Variants in PUDP observed in about 807,000 individuals in gnomAD.
The protein encoded by PUDP is pseudouridine 5'-phosphatase.
A neutral mutation model predicts 9.4 loss-of-function variants in PUDP; 8 were observed. The observed-to-expected ratio is 0.85, with a 90% confidence interval of 0.50 to 1.53. PUDP has a LOEUF of 1.53. Among genes scored for constraint, PUDP ranks in the 40% most tolerant of loss-of-function variants. The pLI, the probability that PUDP is intolerant of heterozygous loss-of-function variation, is 0.00. For missense variants in PUDP, 188 were observed against 189.7 expected (o/e 0.99, Z 0.05); for synonymous variants, 99 against 80.7 (o/e 1.23, Z -1.22).
chrX:6,880,552 C>G (rs1031000139), intron 3 of PUDP, among the ~76,000 whole-genome samples: 1 of 112,163 alleles, frequency 8.9e-6, no homozygotes, highest in African/African-American at 3.2e-5. Flanking sequence ...ACACAATTAA[C>G]TATTTCTTGT....
At chrX:6,722,010 T>C (rs1461664005), upstream of PUDP, among the ~76,000 whole-genome samples, 3 of 110,222 alleles carry the variant, frequency 2.7e-5, no homozygotes, top group Non-Finnish European at 3.8e-5. Flanking sequence ...ACATTGACAA[T>C]ATGGCAGAAA....
chrX:6,953,291 T>C (rs1166602468), intron 3 of PUDP, among the ~76,000 whole-genome samples: 1 of 111,675 alleles, frequency 9.0e-6, no homozygotes, highest in East Asian at 2.8e-4. Flanking sequence ...TTCTTTTCTT[T>C]CGTCTAGAAA....
At position 6,867,731 on chromosome X, in the gene PUDP, G is replaced by A. The variant is rs12116176; in HGVS notation, c.*247+109402C>T. 7.2e-3 allele frequency among the ~76,000 whole-genome samples: 799 copies of A among 111,490 alleles called. 10 individuals carry two copies. Among genetic ancestry groups the A allele is most frequent in the African/African-American group, 0.024 (749 of 30,651 alleles). ...GGTAGTGTTTATGGTAGTGACAATG[G>A]TGGTCTTAGTCCATTTTGTGTTGCT... On this transcript the variant is annotated intron_variant and NMD_transcript_variant, in intron 3 of 3. Transcript: ENST00000655425.
chrX:6,796,584 T>C (rs891595030), intron 3 of PUDP, among the ~76,000 whole-genome samples: 1 of 112,428 alleles, frequency 8.9e-6, no homozygotes, highest in African/African-American at 3.2e-5. Context: ...AAACAAATTA[T>C]ATTTTTTAGT....
At chrX:6,751,920 C>T (rs1054246148) in intron 3 of PUDP, among the ~76,000 whole-genome samples, 2 of 110,958 alleles carry the variant, frequency 1.8e-5, no homozygotes, top group East Asian at 5.6e-4. Flanking sequence ...TATAACCCCT[C>T]TCTGTCCTGA....
chrX:6,968,432 C>A (rs1358261472), intron 3 of PUDP, among the ~76,000 whole-genome samples: 1 of 111,439 alleles, frequency 9.0e-6, no homozygotes, highest in East Asian at 2.8e-4. Flanking sequence ...AAAACTTTGG[C>A]CCTGTGGGTC....
At chrX:6,927,151 C>T (rs1434409870) in intron 3 of PUDP, among the ~76,000 whole-genome samples, 1 of 108,713 alleles carries the variant, frequency 9.2e-6, no homozygotes, top group Non-Finnish European at 1.9e-5. Flanking sequence ...CCAGGCTGGT[C>T]TCGAATTCCT....
At chrX:7,083,561 G>T (rs1209459183) in intron 2 of PUDP, among the ~76,000 whole-genome samples, 1 of 111,207 alleles carries the variant, frequency 9.0e-6, no homozygotes, top group African/African-American at 3.3e-5. Context: ...ACAGTTGTGG[G>T]GGGCAGGTGG....
chrX:6,834,452 C>T (rs190937793), intron 3 of PUDP, among the ~76,000 whole-genome samples: 2 of 111,051 alleles, frequency 1.8e-5, no homozygotes, highest in Non-Finnish European at 3.8e-5. Flanking sequence ...TTTGGCTCAT[C>T]GGGTCTCCAT....
At chrX:6,870,605 T>C (rs1000283700) in intron 3 of PUDP, among the ~76,000 whole-genome samples, 28 of 112,283 alleles carry the variant, frequency 2.5e-4, no homozygotes, top group Non-Finnish European at 1.9e-4. Flanking sequence ...AGGTATGTCT[T>C]TATCAGCAGT....
rs1930045858 is a variant in PUDP, at chrX:7,049,853, G to C, written c.*443C>G. 1 of 78,065 alleles carries C rather than the reference G, an allele frequency of 1.3e-5. No homozygotes were observed. Among genetic ancestry groups the C allele is most frequent in the African/African-American group, 3.9e-5 (1 of 25,841 alleles). 6.4% of individuals were successfully genotyped at this position (78,065 alleles called of 1,213,427 possible). A position where few individuals can be genotyped will look rare whatever the true frequency, so the allele number is the denominator to read the frequency against. On this transcript the variant is annotated 3_prime_UTR_variant, in exon 4 of 4. Transcript: ENST00000381077. Reference sequence around the variant, plus strand: ...GCCAGTGTTCAGAAAAACTAGAAGAGAGAAGTGATGTTCCATTTTGTCTTG... The same window carrying C: ...GCCAGTGTTCAGAAAAACTAGAAGACAGAAGTGATGTTCCATTTTGTCTTG...
At chrX:6,819,726 G>T (rs897267771) in intron 3 of PUDP, among the ~76,000 whole-genome samples, 14 of 111,874 alleles carry the variant, frequency 1.3e-4, no homozygotes, top group African/African-American at 3.9e-4. Context: ...TTTTGTAAAA[G>T]AATTTTCCTT....
chrX:7,134,850 CATG>C (rs1932702621), intron 1 of PUDP, among the ~76,000 whole-genome samples: 3 of 112,219 alleles, frequency 2.7e-5, no homozygotes, highest in Admixed American at 1.9e-4. Flanking sequence ...TAATGAAATC[CATG>C]ATTATTTGAG....
chrX:6,843,243 C>T (rs1020495155), intron 3 of PUDP, among the ~76,000 whole-genome samples: 10 of 112,210 alleles, frequency 8.9e-5, no homozygotes, highest in Non-Finnish European at 1.5e-4. Context: ...TGGACTTTAT[C>T]CTCCTGGAGC....
chrX:6,879,529 T>G (rs1927315026), intron 3 of PUDP, among the ~76,000 whole-genome samples: 1 of 111,551 alleles, frequency 9.0e-6, no homozygotes, highest in Admixed American at 9.6e-5. Flanking sequence ...GCTTAAATCC[T>G]ACCACTCACT....
intron 3 of PUDP, among the ~76,000 whole-genome samples, chrX:6,741,852 TTTTCTTTC>T (rs751919726): frequency 9.6e-6 from 1 of 104,649 alleles, no homozygotes; most frequent in African/African-American, 3.7e-5. Context: ...CTTTCTTTCT[TTTTCTTTC>T]TTTCTTTCTT....
intron 3 of PUDP, among the ~76,000 whole-genome samples, chrX:6,775,674 A>G (rs1254478859): frequency 9.0e-6 from 1 of 111,295 alleles, no homozygotes; most frequent in Non-Finnish European, 1.9e-5. Flanking sequence ...GATCTTTGGG[A>G]CATGATCTAG....
At chrX:6,797,529 C>T (rs1412288969) in intron 3 of PUDP, among the ~76,000 whole-genome samples, 1 of 111,569 alleles carries the variant, frequency 9.0e-6, no homozygotes, top group African/African-American at 3.3e-5. Context: ...GACACTTAAG[C>T]AGCTCTATGG....
chrX:6,901,598 C>T (rs11095248), intron 3 of PUDP, among the ~76,000 whole-genome samples: 17,319 of 111,448 alleles, frequency 0.16, 1,252 homozygotes, highest in Middle Eastern at 0.24. Flanking sequence ...ATAATGCAGT[C>T]GATAATAAGA....
Sources: allele counts gnomAD v4.1 joint callset (sites outside exome capture counted in the v4.1 genomes callset), GRCh38; gene constraint gnomAD v4.1.1; transcripts MANE v1.5; gene names NCBI Gene and HGNC (gene_info 2026-07-23, HGNC 2026-07-21).